Variants in GRIK2 observed in about 807,000 individuals in gnomAD.
GRIK2 encodes the protein glutamate receptor ionotropic, kainate 2.
In GRIK2, 32 loss-of-function variants were observed where a neutral mutation model predicts 100.3. That is an observed-to-expected ratio of 0.32 (90% CI 0.24 to 0.43). The LOEUF is 0.43. Among genes scored for constraint, GRIK2 ranks in the 20% least tolerant of loss-of-function variants. The probability of loss-of-function intolerance (pLI) is 1.00; values close to 1 mark genes in which losing one functional copy is unlikely to be tolerated. For missense variants in GRIK2, 843 were observed against 1,114.9 expected (o/e 0.76, Z 3.47); for synonymous variants, 417 against 389.4 (o/e 1.07, Z -0.83).
intron 11 of GRIK2, among the ~76,000 whole-genome samples, chr6:101,859,952 G>A (rs2128443396): frequency 6.6e-6 from 1 of 152,202 alleles, no homozygotes; most frequent in Non-Finnish European, 1.5e-5. Flanking sequence ...GGAAGAATCA[G>A]GCCTTTTTTT....
At chr6:101,677,321 C>G (rs1318224854) in intron 5 of GRIK2, among the ~76,000 whole-genome samples, 3 of 152,086 alleles carry the variant, frequency 2.0e-5, no homozygotes, top group Non-Finnish European at 2.9e-5. Flanking sequence ...TGACCAATGT[C>G]AAGTAGCAAG....
chr6:101,849,002 T>C (rs887332544), intron 10 of GRIK2, among the ~76,000 whole-genome samples: 1 of 151,966 alleles, frequency 6.6e-6, no homozygotes, highest in African/African-American at 2.4e-5. Context: ...AACCTATCCA[T>C]GAAAATTTTA....
chr6:101,838,639 AC>A (rs869223802), intron 10 of GRIK2, among the ~76,000 whole-genome samples: 1 of 129,866 alleles, frequency 7.7e-6, no homozygotes, highest in African/African-American at 3.6e-5. Context: ...TCTTTTTTTC[AC>A]TCTATTAATA....
intron 4 of GRIK2, among the ~76,000 whole-genome samples, chr6:101,671,392 CAAAAAAA>C (rs35786583): frequency 6.7e-6 from 1 of 150,194 alleles, no homozygotes; most frequent in Non-Finnish European, 1.5e-5. Context: ...TGTTCCAAAA[CAAAAAAA>C]AAAGTGAGAA....
chr6:101,638,407 A>T (rs1170612015), intron 4 of GRIK2, among the ~76,000 whole-genome samples: 1 of 151,978 alleles, frequency 6.6e-6, no homozygotes, highest in Non-Finnish European at 1.5e-5. Flanking sequence ...AGCAGGAGAG[A>T]TGTGTAGGGA....
intron 11 of GRIK2, among the ~76,000 whole-genome samples, chr6:101,866,328 A>AAG (rs1321728933): frequency 6.6e-6 from 1 of 152,190 alleles, no homozygotes; most frequent in East Asian, 1.9e-4. Context: ...GCTATAATTG[A>AAG]AGATGCACAT....
At chr6:101,737,661 A>G (rs1775734502) in intron 7 of GRIK2, among the ~76,000 whole-genome samples, 1 of 152,216 alleles carries the variant, frequency 6.6e-6, no homozygotes, top group Non-Finnish European at 1.5e-5. Context: ...GATCCAAACA[A>G]TATCACATGG....
At chr6:101,821,170 A>T (rs1265670766) in intron 10 of GRIK2, among the ~76,000 whole-genome samples, 1 of 152,168 alleles carries the variant, frequency 6.6e-6, no homozygotes, top group East Asian at 1.9e-4. Flanking sequence ...TATCTAGTAC[A>T]AATAAAGCAG....
chr6:102,032,971 T>C (rs758549314), intron 14 of GRIK2, among the ~76,000 whole-genome samples: 2 of 151,234 alleles, frequency 1.3e-5, no homozygotes, highest in African/African-American at 2.4e-5. Flanking sequence ...GTTGGTGTAG[T>C]GCACTGATTA....
At chr6:101,609,955 T>C (rs1779600604) in intron 2 of GRIK2, among the ~76,000 whole-genome samples, 1 of 151,734 alleles carries the variant, frequency 6.6e-6, no homozygotes, top group African/African-American at 2.4e-5. Flanking sequence ...AATGTTAATA[T>C]TTTAGCAATC....
At chr6:101,816,484 A>G (rs527415339) in intron 9 of GRIK2, among the ~76,000 whole-genome samples, 1 of 152,282 alleles carries the variant, frequency 6.6e-6, no homozygotes, top group East Asian at 1.9e-4. Flanking sequence ...GATCGAGACC[A>G]AACTGGCCAA....
intron 14 of GRIK2, among the ~76,000 whole-genome samples, chr6:102,015,618 C>T (rs2114337627): frequency 6.6e-6 from 1 of 152,306 alleles, no homozygotes; most frequent in South Asian, 2.1e-4. Context: ...CTGGCACCCA[C>T]TAGCACCCCA....
chr6:101,781,102 T>C (rs1779060009), intron 7 of GRIK2, among the ~76,000 whole-genome samples: 1 of 152,212 alleles, frequency 6.6e-6, no homozygotes, highest in Non-Finnish European at 1.5e-5. Flanking sequence ...TTTTTTTCTA[T>C]TTACTTTATA....
intron 2 of GRIK2, among the ~76,000 whole-genome samples, chr6:101,538,705 G>A (rs1208848427): frequency 6.6e-6 from 1 of 151,254 alleles, no homozygotes. Flanking sequence ...GCTTCACTGG[G>A]GTTAGTACTG....
At chr6:101,927,324 TA>T in intron 13 of GRIK2, 3 of 757,762 alleles carry the variant, frequency 4.0e-6, no homozygotes, top group Non-Finnish European at 4.8e-6. Flanking sequence ...GAGATTATAC[TA>T]AAGATATGAC....
intron 15 of GRIK2, 72 bp downstream of exon 15, chr6:102,035,638 T>G: frequency 1.2e-6 from 1 of 804,762 alleles, no homozygotes; most frequent in East Asian, 2.5e-5. Context: ...AAAAATAGTG[T>G]GTCCACGTAT....
chr6:101,976,350 A>G (rs921580785), intron 14 of GRIK2, among the ~76,000 whole-genome samples: 7 of 151,932 alleles, frequency 4.6e-5, no homozygotes, highest in African/African-American at 1.4e-4. Flanking sequence ...GAGTGTGACA[A>G]CAGGATAACA....
intron 2 of GRIK2, among the ~76,000 whole-genome samples, chr6:101,588,749 A>G (rs1272620638): frequency 6.6e-6 from 1 of 152,074 alleles, no homozygotes; most frequent in Non-Finnish European, 1.5e-5. Flanking sequence ...TTGAAAGATC[A>G]TTCTAAACAT....
At chr6:101,644,553 T>C (rs1054667160) in intron 4 of GRIK2, among the ~76,000 whole-genome samples, 1 of 151,804 alleles carries the variant, frequency 6.6e-6, no homozygotes, top group African/African-American at 2.4e-5. Context: ...GGCTGGAATT[T>C]GAAATTATTA....
Sources: allele counts gnomAD v4.1 joint callset (sites outside exome capture counted in the v4.1 genomes callset), GRCh38; gene constraint gnomAD v4.1.1; transcripts MANE v1.5; gene names NCBI Gene and HGNC (gene_info 2026-07-23, HGNC 2026-07-21).